PRKD1: variants seen among roughly 807,000 people sequenced by gnomAD.
PRKD1 encodes the protein serine/threonine-protein kinase D1.
In PRKD1, 63 loss-of-function variants were observed where a neutral mutation model predicts 95.9. The observed-to-expected ratio is 0.66, with a 90% CI of 0.54 to 0.81. The LOEUF (loss-of-function observed/expected upper bound fraction) is 0.81. Ranked by LOEUF, PRKD1 falls within the 30% of genes least tolerant of loss-of-function variation. PRKD1 has a pLI of 0.00. For synonymous variants in PRKD1, 425 were observed against 423.1 expected, an observed-to-expected ratio of 1.00 and a Z score of -0.05; for missense variants, 1,048 against 1,165.3, an observed-to-expected ratio of 0.90 and a Z score of 1.47.
intron 1 of PRKD1, among the ~76,000 whole-genome samples, chr14:29,785,794 C>T (rs1344594202): frequency 6.7e-6 from 1 of 148,920 alleles, no homozygotes; most frequent in African/African-American, 2.5e-5. Context: ...TCACATTGTG[C>T]ACATGTACCC....
intron 2 of PRKD1, among the ~76,000 whole-genome samples, chr14:29,681,772 T>C (rs933310950): frequency 1.6e-4 from 24 of 152,250 alleles, no homozygotes; most frequent in Non-Finnish European, 5.9e-5. Flanking sequence ...CATAGTTACA[T>C]TGTCCTGTGT....
intron 1 of PRKD1, among the ~76,000 whole-genome samples, chr14:29,909,010 G>A (rs369148328): frequency 7.3e-4 from 111 of 152,300 alleles, no homozygotes; most frequent in African/African-American, 2.3e-3. Context: ...AAGCGCAAGC[G>A]GGAACCAGGG....
At chr14:29,664,213 T>G (rs933296753) in intron 3 of PRKD1, among the ~76,000 whole-genome samples, 20 of 152,276 alleles carry the variant, frequency 1.3e-4, no homozygotes, top group African/African-American at 4.8e-4. Flanking sequence ...TAAAGGAATA[T>G]TAATCACAGC....
At chr14:29,873,066 T>C (rs1474442712) in intron 1 of PRKD1, among the ~76,000 whole-genome samples, 1 of 152,124 alleles carries the variant, frequency 6.6e-6, no homozygotes, top group African/African-American at 2.4e-5. Context: ...TGATGCTGCC[T>C]ATACTACTTT....
chr14:29,822,453 T>G (rs904002886), intron 1 of PRKD1, among the ~76,000 whole-genome samples: 1 of 152,230 alleles, frequency 6.6e-6, no homozygotes, highest in African/African-American at 2.4e-5. Context: ...AAAATGGCTT[T>G]GCTGTTTGTC....
chr14:29,894,810 T>C (rs1035724402), intron 1 of PRKD1, among the ~76,000 whole-genome samples: 11 of 152,240 alleles, frequency 7.2e-5, no homozygotes, highest in Admixed American at 1.3e-4. Context: ...CTGGACTGTG[T>C]GCTATGTGAT....
chr14:29,729,875 A>G (rs1327277408), intron 1 of PRKD1, among the ~76,000 whole-genome samples: 1 of 152,066 alleles, frequency 6.6e-6, no homozygotes, highest in East Asian at 1.9e-4. Flanking sequence ...ATCATACCAT[A>G]TATAAAAACA....
In PRKD1 at chr14:29,636,412, G is replaced by A. The variant is rs988786368; in HGVS notation, c.1068C>T (p.Leu356=). 5 of 1,613,974 alleles carry A rather than the reference G, an allele frequency of 3.1e-6. No homozygotes were observed. The African/African-American group carries it at 5.3e-5, about 17-fold the overall frequency. Residue 356 remains leucine, a synonymous_variant, in exon 7 of 18, where the codon CTC becomes CTT. Coordinates refer to ENST00000331968, the MANE Select transcript of PRKD1 (RefSeq NM_002742.3). Reference sequence around the variant, plus strand: ...CCATTGCTTCTTCCATATCATCCATGAGCCCACTGTTCCTTTCACTATCAT... The same window carrying A: ...CCATTGCTTCTTCCATATCATCCATAAGCCCACTGTTCCTTTCACTATCAT... ...DDNDSERNSG[L]MDDMEEAMVQ...
chr14:29,655,923 A>AT (rs1881807425), intron 4 of PRKD1, among the ~76,000 whole-genome samples: 7 of 149,958 alleles, frequency 4.7e-5, no homozygotes, highest in African/African-American at 9.8e-5. Context: ...GTATAATAAA[A>AT]AATATATATA....
intron 1 of PRKD1, among the ~76,000 whole-genome samples, chr14:29,780,372 CTT>C (rs1055329562): frequency 1.3e-5 from 2 of 152,088 alleles, no homozygotes; most frequent in Non-Finnish European, 2.9e-5. Flanking sequence ...TGGGAGAAAA[CTT>C]TTGCAATCTA....
intron 1 of PRKD1, among the ~76,000 whole-genome samples, chr14:29,732,075 G>A (rs1447694606): frequency 4.6e-5 from 7 of 151,990 alleles, no homozygotes; most frequent in Admixed American, 4.6e-4. Flanking sequence ...GTTTCTCCAT[G>A]TTGGCCAGGC....
chr14:29,879,330 G>A (rs372748707), intron 1 of PRKD1, among the ~76,000 whole-genome samples: 3 of 152,208 alleles, frequency 2.0e-5, no homozygotes, highest in East Asian at 1.9e-4. Context: ...GGTCTCTCCC[G>A]TGCTATTCTT....
chr14:29,832,315 T>A (rs1163012531), intron 1 of PRKD1, among the ~76,000 whole-genome samples: 3 of 152,198 alleles, frequency 2.0e-5, no homozygotes, highest in Non-Finnish European at 1.5e-5. Flanking sequence ...TTTCCCTGAG[T>A]ACCACAAGCA....
In PRKD1 at chr14:29,630,896, A is replaced by G. The variant is rs745383003; in HGVS notation, c.1518T>C (p.Asn506=). 3.7e-5 allele frequency: 59 copies of G among 1,613,886 alleles called. 1 individual carries two copies. In the South Asian group the frequency reaches 6.5e-4, roughly 18 times the overall value. ...GTGATGGGCTGGAAGGATTGACCAC[A>G]TTTTCTCCCACATAATACACTACAT... ...TANVVYYVGE[N]VVNPSSPSPN... Residue 506 remains asparagine, a synonymous_variant, in exon 10 of 18, where the codon AAT becomes AAC. Coordinates refer to ENST00000331968, the MANE Select transcript of PRKD1 (RefSeq NM_002742.3).
chr14:29,865,203 A>T (rs551859565), intron 1 of PRKD1, among the ~76,000 whole-genome samples: 2 of 152,334 alleles, frequency 1.3e-5, no homozygotes, highest in East Asian at 1.9e-4. Flanking sequence ...TAAGGGAAGC[A>T]TCACCAGAGT....
At chr14:29,579,719 C>T (rs1892690358) in intron 16 of PRKD1, among the ~76,000 whole-genome samples, 1 of 152,170 alleles carries the variant, frequency 6.6e-6, no homozygotes, top group African/African-American at 2.4e-5. Context: ...CAAGTATTTG[C>T]CTGCCCTGAA....
chr14:29,815,759 T>A (rs1890661407), intron 1 of PRKD1, among the ~76,000 whole-genome samples: 1 of 152,202 alleles, frequency 6.6e-6, no homozygotes, highest in Non-Finnish European at 1.5e-5. Flanking sequence ...TCCAGCCCCA[T>A]GTTTATTTTC....
chr14:29,646,533 T>TTAGATAGATAGATAGATAGA (rs3837586), intron 4 of PRKD1, among the ~76,000 whole-genome samples: 287 of 150,148 alleles, frequency 1.9e-3, no homozygotes, highest in African/African-American at 6.6e-3. Flanking sequence ...CTCACAAAAA[T>TTAGATAGATAGATAGATAGA]TAGATAGATA....
At chr14:29,626,950 T>C (rs1487139610) in intron 11 of PRKD1, among the ~76,000 whole-genome samples, 3 of 152,108 alleles carry the variant, frequency 2.0e-5, no homozygotes, top group Non-Finnish European at 4.4e-5. Context: ...TCTGACCTAG[T>C]GATCCGCCTG....
Sources: allele counts gnomAD v4.1 joint callset (sites outside exome capture counted in the v4.1 genomes callset), GRCh38; gene constraint gnomAD v4.1.1; transcripts MANE v1.5; gene names NCBI Gene and HGNC (gene_info 2026-07-23, HGNC 2026-07-21).